The following SYCP1 variants were observed in gnomAD, a reference collection of about 807,000 sequenced individuals.
SYCP1 encodes cancer/testis antigen 8.
A neutral mutation model predicts 153.1 loss-of-function variants in SYCP1; 64 were observed. That is an observed-to-expected ratio of 0.42 (90% CI 0.34 to 0.51). SYCP1 has a LOEUF of 0.51. Among genes scored for constraint, SYCP1 ranks in the 20% least tolerant of loss-of-function variants. The pLI is 0.06. For missense variants in SYCP1, 997 were observed against 1,049.0 expected, an observed-to-expected ratio of 0.95 and a Z score of 0.68; for synonymous variants, 384 against 341.8, an observed-to-expected ratio of 1.12 and a Z score of -1.36.
intron 30 of SYCP1, among the ~76,000 whole-genome samples, chr1:114,989,895 T>C (rs1269703292): frequency 6.6e-6 from 1 of 151,972 alleles, no homozygotes. Context: ...CAGACAGTTC[T>C]AAAATAATTG....
chr1:114,894,368 G>A (rs1666922569), intron 15 of SYCP1, among the ~76,000 whole-genome samples: 1 of 152,170 alleles, frequency 6.6e-6, no homozygotes, highest in Non-Finnish European at 1.5e-5. Context: ...ACCCTTAACA[G>A]TGAGGAAGGA....
At chr1:114,924,030 G>A (rs1218073661) in intron 21 of SYCP1, among the ~76,000 whole-genome samples, 1 of 152,136 alleles carries the variant, frequency 6.6e-6, no homozygotes, top group Non-Finnish European at 1.5e-5. Flanking sequence ...CTTTGATTGT[G>A]TTTTTTCATT....
intron 27 of SYCP1, among the ~76,000 whole-genome samples, chr1:114,967,348 C>A (rs1318939236): frequency 6.6e-6 from 1 of 152,158 alleles, no homozygotes; most frequent in African/African-American, 2.4e-5. Flanking sequence ...CTTTATGAAT[C>A]TGGGTGCTCT....
intron 11 of SYCP1, among the ~76,000 whole-genome samples, chr1:114,877,325 A>G (rs994642763): frequency 6.6e-6 from 1 of 152,136 alleles, no homozygotes; most frequent in Non-Finnish European, 1.5e-5. Flanking sequence ...ATCCTTTGGC[A>G]TTCACAAGAA....
intron 16 of SYCP1, among the ~76,000 whole-genome samples, chr1:114,897,871 G>C (rs1310714099): frequency 6.6e-6 from 1 of 152,172 alleles, no homozygotes; most frequent in East Asian, 1.9e-4. Flanking sequence ...ACCATGACAG[G>C]TACCACCCAT....
intron 28 of SYCP1, among the ~76,000 whole-genome samples, chr1:114,978,257 T>A (rs544792171): frequency 6.6e-6 from 1 of 151,702 alleles, no homozygotes; most frequent in Non-Finnish European, 1.5e-5. Context: ...TCTACCCACT[T>A]GATCATCTGC....
intron 26 of SYCP1, 24 bp downstream of exon 26, chr1:114,946,405 T>C (rs1333936045): frequency 6.9e-7 from 1 of 1,452,158 alleles, no homozygotes; most frequent in South Asian, 1.2e-5. Flanking sequence ...AAAATTGCAG[T>C]AACGGCCAGT....
chr1:114,882,403 T>C (rs1666014041), intron 12 of SYCP1, among the ~76,000 whole-genome samples: 1 of 152,206 alleles, frequency 6.6e-6, no homozygotes. Flanking sequence ...ATGAAATTCC[T>C]CCATTTTATT....
intron 27 of SYCP1, among the ~76,000 whole-genome samples, chr1:114,954,352 AT>A (rs1671297865): frequency 6.6e-6 from 1 of 151,902 alleles, no homozygotes; most frequent in Non-Finnish European, 1.5e-5. Flanking sequence ...AACATGATTG[AT>A]TTTTGTGTTT....
At chr1:114,936,939 G>T (rs1670050818) in intron 23 of SYCP1, among the ~76,000 whole-genome samples, 1 of 152,142 alleles carries the variant, frequency 6.6e-6, no homozygotes, top group Admixed American at 6.5e-5. Context: ...TGGATAGGAA[G>T]AATCAAGATC....
intron 14 of SYCP1, among the ~76,000 whole-genome samples, 173 bp downstream of exon 14, chr1:114,886,482 CAG>C (rs1423384559): frequency 3.3e-5 from 5 of 152,174 alleles, no homozygotes; most frequent in African/African-American, 1.2e-4. Flanking sequence ...TTTGGATAGA[CAG>C]ATATCTTAGG....
chr1:114,980,344 G>T (rs1322134139), intron 28 of SYCP1, among the ~76,000 whole-genome samples: 1 of 151,866 alleles, frequency 6.6e-6, no homozygotes, highest in East Asian at 1.9e-4. Flanking sequence ...GTTAGGTCAG[G>T]TGCTAAAAGA....
intron 12 of SYCP1, 45 bp downstream of exon 12, chr1:114,878,247 C>A: frequency 8.4e-7 from 1 of 1,187,578 alleles, no homozygotes; most frequent in South Asian, 1.3e-5. Context: ...ATGTATTCCT[C>A]TTGTTATGTT....
At chr1:114,883,518 A>G (rs569915899) in intron 12 of SYCP1, among the ~76,000 whole-genome samples, 1 of 152,366 alleles carries the variant, frequency 6.6e-6, no homozygotes, top group South Asian at 2.1e-4. Context: ...GAAAATTTGC[A>G]TATTCCATTT....
intron 8 of SYCP1, among the ~76,000 whole-genome samples, chr1:114,866,545 T>C (rs1187435286): frequency 6.6e-6 from 1 of 152,166 alleles, no homozygotes; most frequent in African/African-American, 2.4e-5. Flanking sequence ...TTCTTATTGT[T>C]GAGTTTTAAT....
chr1:114,945,698 C>A (rs1670663291), intron 25 of SYCP1, among the ~76,000 whole-genome samples: 1 of 152,118 alleles, frequency 6.6e-6, no homozygotes, highest in African/African-American at 2.4e-5. Flanking sequence ...AGCTGTGTGG[C>A]AAGTCCTTTT....
intron 15 of SYCP1, among the ~76,000 whole-genome samples, chr1:114,890,641 A>G (rs548539382): frequency 6.6e-6 from 1 of 152,146 alleles, no homozygotes; most frequent in Non-Finnish European, 1.5e-5. Flanking sequence ...TGTACAAAAC[A>G]TCATGTGTAG....
chr1:114,879,529 A>G (rs1351738932), intron 12 of SYCP1, among the ~76,000 whole-genome samples: 2 of 152,296 alleles, frequency 1.3e-5, no homozygotes, highest in East Asian at 1.9e-4. Flanking sequence ...GGGCATAAAC[A>G]TTACCTGTTT....
chr1:114,990,695 A>T (rs1477195469), intron 30 of SYCP1, among the ~76,000 whole-genome samples: 4 of 152,090 alleles, frequency 2.6e-5, no homozygotes, highest in African/African-American at 9.6e-5. Flanking sequence ...AACAAATTAG[A>T]TAACCCAGAA....
Sources: gnomAD v4.1 joint callset for allele counts (sites outside exome capture counted in the v4.1 genomes callset) on GRCh38, gnomAD v4.1.1 for gene constraint, MANE v1.5 for transcripts, NCBI Gene and HGNC (gene_info 2026-07-23, HGNC 2026-07-21) for gene names.